CBL: variants seen among roughly 807,000 people sequenced by gnomAD.
The protein encoded by CBL is E3 ubiquitin-protein ligase CBL.
CBL carries 45 observed loss-of-function variants against 96.9 expected under a neutral mutation model. The ratio of observed to expected loss-of-function variants is 0.46; its 90% CI spans 0.37 to 0.60. The LOEUF (loss-of-function observed/expected upper bound fraction) is 0.60, where lower values mean the gene tolerates loss of function less well. CBL is among the 20% of genes least tolerant of loss of function. CBL has a pLI of 0.00. For synonymous variants in CBL, 420 were observed against 426.8 expected, an observed-to-expected ratio of 0.98 and a Z score of 0.20; for missense variants, 1,024 against 1,143.5, an observed-to-expected ratio of 0.90 and a Z score of 1.51.
Position 119,206,435 on chromosome 11 carries a change from G to T in CBL, c.18G>T (p.Lys6Asn), listed in dbSNP as rs1481598770. The change falls in exon 1 of 16, where the codon AAG becomes AAT. Residue 6 changes from lysine (K) to asparagine (N), a missense_variant. By Grantham distance (94) the Lys-to-Asn change is moderately conservative (BLOSUM62 0). This residue lies in a region of CBL where 114 missense variants were observed against 117.4 expected (regional missense o/e 0.97). Transcript: ENST00000264033. ...CCCAGGCCATGGCCGGCAACGTGAA[G>T]AAGAGCTCTGGGGCCGGGGGCGGCA... MAGNV[K>N]KSSGAGGGSG... The T allele has an allele frequency of 3.8e-6, 6 of 1,573,854 alleles. No individual in the cohort carries two copies. Among genetic ancestry groups the T allele is most frequent in the South Asian group, 3.5e-5 (3 of 86,844 alleles).
chr11:119,220,261 A>G (rs537909941), intron 1 of CBL, among the ~76,000 whole-genome samples: 1 of 152,288 alleles, frequency 6.6e-6, no homozygotes, highest in Admixed American at 6.5e-5. Flanking sequence ...TCAGCCTCCC[A>G]AAGTGTTGGT....
chr11:119,206,837 G>A (rs1949273663), intron 1 of CBL, among the ~76,000 whole-genome samples: 1 of 151,962 alleles, frequency 6.6e-6, no homozygotes, highest in Non-Finnish European at 1.5e-5. Flanking sequence ...GAACGCTGGG[G>A]TGCCGCGTTT....
chr11:119,267,227 G>A (rs1487160840), intron 2 of CBL, among the ~76,000 whole-genome samples: 2 of 152,124 alleles, frequency 1.3e-5, no homozygotes, highest in Admixed American at 1.3e-4. Context: ...TTGGAGGGAT[G>A]CATTCTGGAG....
intron 1 of CBL, among the ~76,000 whole-genome samples, chr11:119,219,512 T>G (rs1949391122): frequency 6.6e-6 from 1 of 151,682 alleles, no homozygotes. Flanking sequence ...CACAGAAACG[T>G]TTTCTGATTG....
chr11:119,272,182 T>C (rs1267147712), intron 3 of CBL, among the ~76,000 whole-genome samples: 1 of 152,100 alleles, frequency 6.6e-6, no homozygotes, highest in Non-Finnish European at 1.5e-5. Flanking sequence ...AGTGCAGTGG[T>C]GCGATCTCCA....
At chr11:119,286,183 C>G (rs917007773) in intron 11 of CBL, among the ~76,000 whole-genome samples, 1 of 152,002 alleles carries the variant, frequency 6.6e-6, no homozygotes, top group Non-Finnish European at 1.5e-5. Context: ...GTCTGTAATT[C>G]CAGCTACTCA....
At chr11:119,225,729 T>TC (rs1277943773) in intron 1 of CBL, among the ~76,000 whole-genome samples, 16 of 144,244 alleles carry the variant, frequency 1.1e-4, no homozygotes, top group Non-Finnish European at 1.5e-4. Flanking sequence ...ATTTTCTTTT[T>TC]TTTTTTTTTT....
chr11:119,293,243 T>TACA (rs1211641735), intron 12 of CBL, among the ~76,000 whole-genome samples: 1 of 152,064 alleles, frequency 6.6e-6, no homozygotes, highest in Non-Finnish European at 1.5e-5. Flanking sequence ...TAGCTAGGAT[T>TACA]ACAAGCATGT....
At chr11:119,285,633 TG>T (rs1949979355) in intron 11 of CBL, 67 bp downstream of exon 11, 1 of 1,558,258 alleles carries the variant, frequency 6.4e-7, no homozygotes, top group African/African-American at 1.3e-5. Context: ...CAGTGGCTCA[TG>T]TCTGTAATCC....
chr11:119,240,669 G>C (rs867215635), intron 2 of CBL, among the ~76,000 whole-genome samples: 1 of 152,184 alleles, frequency 6.6e-6, no homozygotes, highest in African/African-American at 2.4e-5. Context: ...TAGACTAATC[G>C]ACTGTGGCTT....
intron 1 of CBL, among the ~76,000 whole-genome samples, chr11:119,220,660 T>C (rs548495322): frequency 8.5e-5 from 13 of 152,262 alleles, no homozygotes; most frequent in African/African-American, 3.1e-4. Flanking sequence ...GAGCATACAT[T>C]GTATTGAATG....
chr11:119,289,425 T>C (rs1015741452), intron 12 of CBL: 1 of 151,678 alleles, frequency 6.6e-6, no homozygotes, highest in Non-Finnish European at 1.5e-5. Flanking sequence ...ACCAAATACC[T>C]CTTTTACTCT....
At chr11:119,215,898 G>A (rs962168732) in intron 1 of CBL, among the ~76,000 whole-genome samples, 3 of 152,174 alleles carry the variant, frequency 2.0e-5, no homozygotes, top group Admixed American at 1.3e-4. Context: ...TTCATGATTA[G>A]CAAATTTTGT....
rs1411543318 is a variant in CBL at position 119,273,924 on chromosome 11, G to T, written c.647G>T (p.Ser216Ile). ...RQALHEVHPI[S>I]SGLEAMALKS... ...GCTCTACATGAAGTGCATCCCATCA[G>T]TTCTGGGCTGGAGGCCATGGCTCTG... Residue 216 changes from serine (S) to isoleucine (I), a missense_variant, in exon 4 of 16, where the codon AGT (serine) becomes ATT (isoleucine). Around this residue, in one of 4 missense-constraint regions of CBL, gnomAD observed 192 missense variants for 321.8 expected, o/e 0.60. Transcript: ENST00000264033. The T allele has an allele frequency of 6.2e-7, 1 of 1,613,914 alleles. No homozygotes were observed. Among genetic ancestry groups the T allele is most frequent in the Non-Finnish European group, 8.5e-7 (1 of 1,179,902 alleles).
chr11:119,274,746 T>G, intron 4 of CBL, 86 bp from the exon 5 acceptor site: 1 of 1,225,586 alleles, frequency 8.2e-7, no homozygotes, highest in East Asian at 2.3e-5. Context: ...AACTGAGAGT[T>G]GGTGTTGTTT....
At chr11:119,221,864 T>A (rs1266847142) in intron 1 of CBL, among the ~76,000 whole-genome samples, 1 of 152,112 alleles carries the variant, frequency 6.6e-6, no homozygotes, top group African/African-American at 2.4e-5. Flanking sequence ...TAAGAGACTT[T>A]AGAAATAAAT....
intron 12 of CBL, among the ~76,000 whole-genome samples, chr11:119,294,480 T>C (rs1321213830): frequency 6.7e-6 from 1 of 148,422 alleles, no homozygotes; most frequent in East Asian, 2.0e-4. Flanking sequence ...AAATAATACA[T>C]GTTAACTAAA....
intron 3 of CBL, among the ~76,000 whole-genome samples, chr11:119,272,485 G>C (rs995945522): frequency 6.6e-6 from 1 of 152,216 alleles, no homozygotes; most frequent in South Asian, 2.1e-4. Flanking sequence ...CAATATCTAA[G>C]TTGTCTTCAT....
intron 2 of CBL, among the ~76,000 whole-genome samples, chr11:119,261,254 T>C (rs542635631): frequency 6.6e-6 from 1 of 152,276 alleles, no homozygotes; most frequent in Non-Finnish European, 1.5e-5. Flanking sequence ...AAGATTTCTC[T>C]AGTTTTTGTC....
Sources: gnomAD v4.1 joint callset for allele counts (sites outside exome capture counted in the v4.1 genomes callset) on GRCh38, gnomAD v4.1.1 for gene constraint, gnomAD v4.1.1 regional missense constraint, MANE v1.5 for transcripts, NCBI Gene and HGNC (gene_info 2026-07-23, HGNC 2026-07-21) for gene names.